FGF13: variants seen among roughly 807,000 people sequenced by gnomAD.
FGF13 encodes the protein fibroblast growth factor homologous factor 2.
FGF13 carries 2 observed loss-of-function variants against 19.5 expected under a neutral mutation model. The observed-to-expected ratio is 0.10, with a 90% CI of 0.04 to 0.32. The LOEUF is 0.32. Among genes scored for constraint, FGF13 ranks in the 10% least tolerant of loss-of-function variants. The probability of loss-of-function intolerance (pLI) is 1.00; values close to 1 mark genes in which losing one functional copy is unlikely to be tolerated. For synonymous variants in FGF13, 72 were observed against 76.9 expected, an observed-to-expected ratio of 0.94 and a Z score of 0.33; for missense variants, 113 against 192.7, an observed-to-expected ratio of 0.59 and a Z score of 2.45.
intron 4 of FGF13, among the ~76,000 whole-genome samples, chrX:138,634,081 T>C (rs1460450289): frequency 8.9e-6 from 1 of 112,419 alleles, no homozygotes; most frequent in African/African-American, 3.2e-5. Flanking sequence ...AATTTGCTAT[T>C]AATCTGCTAA....
At chrX:138,984,588 AAGG>A (rs1162674246) in intron 1 of FGF13, among the ~76,000 whole-genome samples, 140 of 11,500 alleles carry the variant, frequency 0.012, 18 homozygotes, top group Middle Eastern at 0.04. Flanking sequence ...GAAGAAGAAG[AAGG>A]AGGAGGAGGA....
intron 1 of FGF13, among the ~76,000 whole-genome samples, chrX:138,871,671 G>A (rs940072529): frequency 3.6e-5 from 4 of 112,095 alleles, no homozygotes; most frequent in Non-Finnish European, 7.5e-5. Context: ...GAGGAAGTGC[G>A]GAAGGGAGTG....
Position 138,865,989 on chromosome X carries a change from C to T in FGF13, c.-112-1339G>A, listed in dbSNP as rs548792742. Among the ~76,000 whole-genome samples, 9 of 112,266 alleles carry T rather than the reference C, an allele frequency of 8.0e-5. No individual in the cohort carries two copies. In the South Asian group the frequency reaches 3.0e-3, roughly 37 times the overall value. On this transcript the variant is annotated intron_variant, in intron 1 of 2. Coordinates refer to the FGF13 transcript ENST00000421460. Reference sequence around the variant, plus strand: ...CTGCAATCTCAGAGCAGTCCAAGCTCGCAGTCACAAAATAAAATGGTACCA... The same window carrying T: ...CTGCAATCTCAGAGCAGTCCAAGCTTGCAGTCACAAAATAAAATGGTACCA...
intron 3 of FGF13, among the ~76,000 whole-genome samples, chrX:138,754,906 T>G (rs1331568121): frequency 2.7e-5 from 3 of 111,429 alleles, no homozygotes; most frequent in Non-Finnish European, 5.6e-5. Flanking sequence ...CCTGTGTGAT[T>G]GCACTGGGAG....
intron 1 of FGF13, among the ~76,000 whole-genome samples, chrX:139,020,554 C>T (rs995153111): frequency 1.4e-4 from 16 of 111,162 alleles, no homozygotes; most frequent in African/African-American, 5.2e-4. Context: ...TTCATACCTG[C>T]CCTAGTACCT....
intron 1 of FGF13, among the ~76,000 whole-genome samples, chrX:138,894,408 C>G (rs995481334): frequency 9.1e-6 from 1 of 110,278 alleles, no homozygotes; most frequent in Non-Finnish European, 1.9e-5. Context: ...TGATAGACCG[C>G]TAGCAAGACT....
chrX:138,876,036 T>C (rs1026251186), intron 1 of FGF13, among the ~76,000 whole-genome samples: 1 of 109,320 alleles, frequency 9.1e-6, no homozygotes, highest in South Asian at 4.0e-4. Flanking sequence ...ACACACACTT[T>C]ATTGGTTCTG....
At chrX:138,644,363 C>G (rs986054682) in intron 3 of FGF13, among the ~76,000 whole-genome samples, 2 of 110,910 alleles carry the variant, frequency 1.8e-5, no homozygotes, top group Non-Finnish European at 3.8e-5. Context: ...CTGCAACCTC[C>G]ACCTCCCGGG....
At chrX:138,939,416 T>G (rs1351251122) in intron 1 of FGF13, among the ~76,000 whole-genome samples, 2 of 112,385 alleles carry the variant, frequency 1.8e-5, no homozygotes, top group Non-Finnish European at 3.8e-5. Flanking sequence ...TAGAGTTTAT[T>G]TATTTTAACT....
chrX:138,869,747 C>A (rs1027196530), intron 1 of FGF13, among the ~76,000 whole-genome samples: 1 of 112,238 alleles, frequency 8.9e-6, no homozygotes, highest in Admixed American at 9.5e-5. Context: ...TAGTTGAAAT[C>A]CATTAAACAA....
intron 1 of FGF13, among the ~76,000 whole-genome samples, chrX:139,131,384 T>G (rs201137917): frequency 2.3e-3 from 7 of 3,009 alleles, no homozygotes; most frequent in East Asian, 0.017. Flanking sequence ...TATAGAGGGG[T>G]GTGTGTGTGT....
intron 3 of FGF13, among the ~76,000 whole-genome samples, chrX:138,645,171 C>T (rs1479893771): frequency 2.7e-5 from 3 of 112,146 alleles, no homozygotes; most frequent in Non-Finnish European, 5.6e-5. Context: ...CTGCTTTACT[C>T]TTGAAGGCAC....
chrX:139,109,601 G>A (rs748862455), intron 1 of FGF13, among the ~76,000 whole-genome samples: 1 of 111,281 alleles, frequency 9.0e-6, no homozygotes, highest in Admixed American at 9.6e-5. Context: ...CCAGCGGAGC[G>A]ACCACAGACC....
At chrX:138,873,904 C>CA (rs1312559975) in intron 1 of FGF13, among the ~76,000 whole-genome samples, 3 of 101,282 alleles carry the variant, frequency 3.0e-5, no homozygotes, top group Non-Finnish European at 5.9e-5. Flanking sequence ...ATGGCAAGGA[C>CA]AAAAAACCAA....
At chrX:138,819,795 T>TA (rs1175748973) in intron 3 of FGF13, among the ~76,000 whole-genome samples, 1 of 111,775 alleles carries the variant, frequency 8.9e-6, no homozygotes, top group Non-Finnish European at 1.9e-5. Context: ...CTTCTTTATT[T>TA]AAAAAAATTA....
At chrX:139,000,155 T>C (rs1603113075) in intron 1 of FGF13, among the ~76,000 whole-genome samples, 1 of 111,970 alleles carries the variant, frequency 8.9e-6, no homozygotes, top group East Asian at 2.8e-4. Context: ...CTAAAAACTC[T>C]CAATAAACTA....
At chrX:139,102,848 G>A (rs2083525548) in intron 1 of FGF13, among the ~76,000 whole-genome samples, 1 of 112,654 alleles carries the variant, frequency 8.9e-6, no homozygotes, top group Admixed American at 9.4e-5. Context: ...GACAAGCAGG[G>A]TTTAGAAGGG....
intron 3 of FGF13, among the ~76,000 whole-genome samples, chrX:138,841,321 C>T (rs965613108): frequency 5.4e-5 from 6 of 110,893 alleles, no homozygotes; most frequent in African/African-American, 2.0e-4. Flanking sequence ...CAGGAAACCT[C>T]CCCTCAAGCT....
intron 1 of FGF13, among the ~76,000 whole-genome samples, chrX:138,727,481 T>C (rs980780018): frequency 8.1e-5 from 9 of 111,416 alleles, no homozygotes; most frequent in African/African-American, 2.9e-4. Context: ...GAATCTTAAG[T>C]GAACAAAATA....
Sources: allele counts gnomAD v4.1 joint callset (sites outside exome capture counted in the v4.1 genomes callset), GRCh38; gene constraint gnomAD v4.1.1; transcripts MANE v1.5; gene names NCBI Gene and HGNC (gene_info 2026-07-23, HGNC 2026-07-21).